Variants in SGCD observed in about 807,000 individuals in gnomAD.
SGCD encodes delta-sarcoglycan.
In SGCD, 18 loss-of-function variants were observed where a neutral mutation model predicts 36.6. The ratio of observed to expected loss-of-function variants is 0.49; its 90% CI spans 0.34 to 0.73. SGCD has a LOEUF of 0.73. Among genes scored for constraint, SGCD ranks in the 30% least tolerant of loss-of-function variants. SGCD has a pLI of 0.01. For missense variants in SGCD, 387 were observed against 346.7 expected (o/e 1.12, Z -0.92); for synonymous variants, 133 against 130.6 (o/e 1.02, Z -0.12).
intron 6 of SGCD, among the ~76,000 whole-genome samples, chr5:156,627,253 G>C (rs951268650): frequency 5.9e-5 from 9 of 152,168 alleles, no homozygotes; most frequent in Non-Finnish European, 1.2e-4. Context: ...GCCTGAGTTA[G>C]AAGGTTCAGA....
At chr5:156,639,715 C>T (rs915471029) in intron 6 of SGCD, among the ~76,000 whole-genome samples, 1 of 152,134 alleles carries the variant, frequency 6.6e-6, no homozygotes. Context: ...TTCTATTCCT[C>T]TCCTTAATTT....
chr5:156,423,856 A>G (rs994849624), intron 3 of SGCD, among the ~76,000 whole-genome samples: 16 of 152,100 alleles, frequency 1.1e-4, no homozygotes, highest in African/African-American at 3.9e-4. Context: ...AACAGTGCGT[A>G]CCTCCAAGAA....
At chr5:156,568,876 T>G (rs887377062) in intron 4 of SGCD, among the ~76,000 whole-genome samples, 1 of 152,224 alleles carries the variant, frequency 6.6e-6, no homozygotes, top group African/African-American at 2.4e-5. Flanking sequence ...AGTGAACATA[T>G]TATGTAATAT....
At chr5:156,439,557 A>G (rs1406341463) in intron 3 of SGCD, among the ~76,000 whole-genome samples, 1 of 152,018 alleles carries the variant, frequency 6.6e-6, no homozygotes, top group Non-Finnish European at 1.5e-5. Context: ...TTAACATTCC[A>G]TGGTGAAATG....
At chr5:156,602,278 T>A (rs898541513) in intron 6 of SGCD, among the ~76,000 whole-genome samples, 1 of 151,644 alleles carries the variant, frequency 6.6e-6, no homozygotes, top group Admixed American at 6.5e-5. Context: ...TGCTACTGAT[T>A]TGTATACGTC....
intron 3 of SGCD, among the ~76,000 whole-genome samples, chr5:156,261,954 A>G (rs574254686): frequency 6.6e-6 from 1 of 152,308 alleles, no homozygotes; most frequent in East Asian, 1.9e-4. Flanking sequence ...CAGCTGTACG[A>G]TGTATTTGTG....
intron 4 of SGCD, among the ~76,000 whole-genome samples, chr5:156,542,542 A>G (rs1254475555): frequency 6.6e-6 from 1 of 152,192 alleles, no homozygotes. Context: ...GCCCTCTTTC[A>G]TATACTGCTA....
chr5:156,107,119 T>C (rs1761667822), intron 1 of SGCD, among the ~76,000 whole-genome samples: 1 of 152,194 alleles, frequency 6.6e-6, no homozygotes, highest in Non-Finnish European at 1.5e-5. Flanking sequence ...ATTATTTTTC[T>C]GCTTTTCACA....
intron 6 of SGCD, among the ~76,000 whole-genome samples, chr5:156,641,174 A>G (rs145537408): frequency 6.6e-6 from 1 of 152,224 alleles, no homozygotes; most frequent in African/African-American, 2.4e-5. Context: ...CTCTGTTTCT[A>G]AGGCATTTCC....
chr5:156,728,501 ACT>A (rs1168374013), intron 7 of SGCD, among the ~76,000 whole-genome samples: 3 of 89,198 alleles, frequency 3.4e-5, no homozygotes, highest in Non-Finnish European at 2.0e-5. Context: ...ACAGAGCGAG[ACT>A]CTGTCAAAAA....
chr5:156,689,095 A>G (rs1331049236), intron 7 of SGCD, among the ~76,000 whole-genome samples: 1 of 152,206 alleles, frequency 6.6e-6, no homozygotes, highest in Admixed American at 6.5e-5. Context: ...ATCCAAATAA[A>G]GTCTGTAGTT....
chr5:155,737,484 A>G, the SGCD span, among the ~76,000 whole-genome samples: 4 of 152,192 alleles, frequency 2.6e-5, no homozygotes, highest in Non-Finnish European at 5.9e-5. Context: ...TTCTATTCCC[A>G]TTCATTAAAA....
intron 7 of SGCD, among the ~76,000 whole-genome samples, chr5:156,690,886 A>G (rs1465460690): frequency 6.6e-6 from 1 of 152,114 alleles, no homozygotes; most frequent in African/African-American, 2.4e-5. Flanking sequence ...AGGAGATGGC[A>G]AGGATACTGT....
chr5:156,073,969 G>C lies in SGCD; in HGVS notation c.-281-43909G>C, dbSNP rs1760682522. On this transcript the variant is annotated intron_variant, in intron 1 of 9. Coordinates refer to the SGCD transcript ENST00000517913. ...CATTTCATGGAAGAAGGACAACCCA[G>C]CTAGGTCTTGAAGGGTGAGTAAGAT... 2.0e-5 allele frequency among the ~76,000 whole-genome samples: 3 copies of C among 152,298 alleles called. No homozygotes were observed. The South Asian group carries it at 6.2e-4, about 32-fold the overall frequency.
chr5:156,181,158 A>G (rs1423447223), intron 3 of SGCD, among the ~76,000 whole-genome samples: 1 of 152,184 alleles, frequency 6.6e-6, no homozygotes, highest in Non-Finnish European at 1.5e-5. Flanking sequence ...CTTTCATTTT[A>G]AAAGCGCTCA....
intron 3 of SGCD, among the ~76,000 whole-genome samples, chr5:156,197,220 T>C (rs528670228): frequency 6.6e-6 from 1 of 152,318 alleles, no homozygotes; most frequent in South Asian, 2.1e-4. Context: ...GAACCCTTTT[T>C]TTAGCCTTTT....
At chr5:156,719,838 T>G (rs1755407172) in intron 7 of SGCD, among the ~76,000 whole-genome samples, 1 of 152,064 alleles carries the variant, frequency 6.6e-6, no homozygotes, top group South Asian at 2.1e-4. Context: ...TTTTTTTTTT[T>G]TTGGCTATCT....
intron 6 of SGCD, among the ~76,000 whole-genome samples, chr5:156,595,641 A>C (rs1262050125): frequency 6.6e-6 from 1 of 152,254 alleles, no homozygotes. Flanking sequence ...CATCCAAAGA[A>C]GTCTCATTTA....
chr5:156,596,973 A>G (rs1329717984), intron 6 of SGCD, among the ~76,000 whole-genome samples: 1 of 152,142 alleles, frequency 6.6e-6, no homozygotes, highest in Non-Finnish European at 1.5e-5. Flanking sequence ...TGAGCTCAGC[A>G]TAGTCAAAAG....
Sources: gnomAD v4.1 joint callset for allele counts (sites outside exome capture counted in the v4.1 genomes callset) on GRCh38, gnomAD v4.1.1 for gene constraint, MANE v1.5 for transcripts, NCBI Gene and HGNC (gene_info 2026-07-23, HGNC 2026-07-21) for gene names.